PAK4: variants seen among roughly 807,000 people sequenced by gnomAD.
The protein encoded by PAK4 is p21 (RAC1) activated kinase 4.
PAK4 carries 49 observed loss-of-function variants against 53.5 expected under a neutral mutation model. The observed-to-expected ratio is 0.92, with a 90% CI of 0.73 to 1.16. PAK4 has a LOEUF of 1.16. Ranked by LOEUF, PAK4 falls within the 50% of genes most tolerant of loss-of-function variation. The probability of loss-of-function intolerance (pLI) is 0.00; values close to 1 mark genes in which losing one functional copy is unlikely to be tolerated. For missense variants in PAK4, 824 were observed against 850.7 expected (o/e 0.97, Z 0.39); for synonymous variants, 376 against 375.6 (o/e 1.00, Z -0.01).
chr19:39,173,155 A>G lies in PAK4; in HGVS notation c.442A>G (p.Ser148Gly). 3.2e-6 allele frequency: 5 copies of G among 1,541,672 alleles called. No individual in the cohort carries two copies. The South Asian group carries it at 6.0e-5, about 18-fold the overall frequency. The change falls in exon 3 of 9, where the codon AGT becomes GGT. Residue 148 changes from serine to glycine, a missense_variant. Coordinates refer to ENST00000358301, the Ensembl canonical transcript of PAK4. This position sits in a 1 kb window ranked among gnomAD's most constrained non-coding sequence, Gnocchi z 6.9. ...CGGTCACAGCGAGGCGGGTGGCGGC[A>G]GTGGTGACAGGCGACGGGCGGGGCC... is the stretch of plus-strand genomic sequence containing the variant.
chr19:39,158,192 C>T (rs902909974), intron 1 of PAK4, among the ~76,000 whole-genome samples: 21 of 146,096 alleles, frequency 1.4e-4, no homozygotes, highest in African/African-American at 4.4e-4. Flanking sequence ...TGTGTGTGAG[C>T]GTGCATGTAT....
At chr19:39,126,639 G>T (rs1356723911) in intron 1 of PAK4, among the ~76,000 whole-genome samples, 1 of 152,154 alleles carries the variant, frequency 6.6e-6, no homozygotes, top group Non-Finnish European at 1.5e-5. Context: ...GAGGTTAAGT[G>T]ATTTGCACAA....
chr19:39,174,429 G>T (rs2074559660), intron 4 of PAK4, among the ~76,000 whole-genome samples: 1 of 151,544 alleles, frequency 6.6e-6, no homozygotes, highest in Non-Finnish European at 1.5e-5. Context: ...CTGACGTTCA[G>T]GCCCACCCCC....
chr19:39,137,461 G>A (rs544601842), intron 1 of PAK4, among the ~76,000 whole-genome samples: 1 of 152,310 alleles, frequency 6.6e-6, no homozygotes, highest in Admixed American at 6.5e-5. Flanking sequence ...AATCCCAGGA[G>A]GTAGCTGCAC....
chr19:39,160,111 C>T (rs2074260270), intron 1 of PAK4, among the ~76,000 whole-genome samples: 1 of 152,206 alleles, frequency 6.6e-6, no homozygotes, highest in Admixed American at 6.5e-5. Context: ...GGACACACAC[C>T]AGCTTACTTG....
intron 1 of PAK4, among the ~76,000 whole-genome samples, chr19:39,163,826 G>A (rs76363529): frequency 2.0e-5 from 3 of 152,276 alleles, no homozygotes; most frequent in Non-Finnish European, 4.4e-5. Context: ...GCTGGGCCTT[G>A]TCCAAGGCCT....
In PAK4 at chr19:39,173,533, T is replaced by C; in HGVS notation, c.664-43T>C. ...TCTCCTGCTTAGGGAGCAGAGCTGC[T>C]CCCTGGCACCCATCACTGACAGCTA... On this transcript the variant is annotated intron_variant, in intron 3 of 8. Transcript: ENST00000358301. This position sits in a 1 kb window ranked among gnomAD's most constrained non-coding sequence, Gnocchi z 6.9. 6.8e-7 allele frequency: 1 copy of C among 1,468,520 alleles called. No individual in the cohort carries two copies. The highest frequency in any genetic ancestry group is 1.4e-5 in the South Asian group (1 of 73,994). The allele number at this position is 1,468,520 out of a possible 1,614,324, so 91.0% of individuals were successfully genotyped here.
At chr19:39,164,873 G>T (rs975516951) in intron 1 of PAK4, among the ~76,000 whole-genome samples, 6 of 151,942 alleles carry the variant, frequency 3.9e-5, no homozygotes, top group African/African-American at 1.4e-4. Flanking sequence ...GTCCCTTGTG[G>T]TGGTGGCGAT....
chr19:39,163,728 G>A (rs536128702), intron 1 of PAK4, among the ~76,000 whole-genome samples: 7 of 152,328 alleles, frequency 4.6e-5, no homozygotes, highest in Non-Finnish European at 8.8e-5. Flanking sequence ...TCTGTGCCCC[G>A]GCTGGGGCAG....
intron 1 of PAK4, among the ~76,000 whole-genome samples, chr19:39,166,974 G>A (rs534260408): frequency 7.9e-5 from 12 of 152,332 alleles, no homozygotes; most frequent in Admixed American, 3.3e-4. Flanking sequence ...ATCCGGAGGC[G>A]TGCCCCTTGC....
At chr19:39,152,372 T>C (rs2074107015) in intron 1 of PAK4, 1 of 152,198 alleles carries the variant, frequency 6.6e-6, no homozygotes, top group Non-Finnish European at 1.5e-5. Context: ...ACTGTTGCCG[T>C]ATCACAGTGC....
At chr19:39,166,900 C>A (rs1253361031) in intron 1 of PAK4, among the ~76,000 whole-genome samples, 2 of 152,210 alleles carry the variant, frequency 1.3e-5, no homozygotes, top group African/African-American at 2.4e-5. Flanking sequence ...TAAACATGTT[C>A]AGTTCCTCTG....
At chr19:39,159,383 C>T (rs558008270) in intron 1 of PAK4, among the ~76,000 whole-genome samples, 6 of 152,184 alleles carry the variant, frequency 3.9e-5, no homozygotes, top group Middle Eastern at 3.4e-3. Flanking sequence ...GGGGAAGGCA[C>T]GGGACATGCA....
intron 1 of PAK4, among the ~76,000 whole-genome samples, chr19:39,143,202 T>C (rs1206944121): frequency 6.6e-6 from 1 of 151,758 alleles, no homozygotes; most frequent in Non-Finnish European, 1.5e-5. Context: ...TCTTGTCTTA[T>C]TCACTGCTGT....
At chr19:39,143,592 CAAAAAAAAAAAAA>C (rs544304301) in intron 1 of PAK4, among the ~76,000 whole-genome samples, 14 of 20,440 alleles carry the variant, frequency 6.8e-4, no homozygotes, top group South Asian at 4.5e-3. Context: ...GACTCTGTCT[CAAAAAAAAAAAAA>C]AAAAAAAAAA....
intron 1 of PAK4, among the ~76,000 whole-genome samples, chr19:39,128,184 C>T (rs968168705): frequency 6.6e-6 from 1 of 152,214 alleles, no homozygotes; most frequent in South Asian, 2.1e-4. Context: ...TTAGCGCTGC[C>T]TCATAGAATT....
chr19:39,178,661 A>C lies in PAK4; in HGVS notation c.*82A>C. On this transcript the variant is annotated 3_prime_UTR_variant, in exon 9 of 9. Transcript: ENST00000358301. The surrounding 1 kb of genome is among the most constrained non-coding windows in gnomAD (Gnocchi z 4.4). ...AGGCCAGTAGGGGGCCAGGCCTCCC[A>C]CTCCTCCCAGCCCGGGAGATGCTCC... 2 of 1,285,822 alleles carry C rather than the reference A, an allele frequency of 1.6e-6. No individual in the cohort carries two copies. The highest frequency in any genetic ancestry group is 2.1e-6 in the Non-Finnish European group (2 of 937,864). 79.7% of individuals were successfully genotyped at this position (1,285,822 alleles called of 1,614,324 possible).
intron 1 of PAK4, among the ~76,000 whole-genome samples, chr19:39,128,891 G>T (rs1178553828): frequency 6.6e-6 from 1 of 152,190 alleles, no homozygotes; most frequent in Non-Finnish European, 1.5e-5. Context: ...AAGATGCCTT[G>T]GCCCAGGCCC....
At chr19:39,177,991 G>A (rs929071392) in intron 8 of PAK4, among the ~76,000 whole-genome samples, 182 bp downstream of exon 9, 5 of 152,062 alleles carry the variant, frequency 3.3e-5, no homozygotes, top group Non-Finnish European at 7.4e-5. Flanking sequence ...GGGCCTGGGC[G>A]ACAGAGGCAG....
Sources: allele counts gnomAD v4.1 joint callset (sites outside exome capture counted in the v4.1 genomes callset), GRCh38; gene constraint gnomAD v4.1.1; non-coding constraint Gnocchi (gnomAD v3.1); transcripts MANE v1.5; gene names NCBI Gene and HGNC (gene_info 2026-07-23, HGNC 2026-07-21).